AAK1: variants seen among roughly 807,000 people sequenced by gnomAD.
AAK1 encodes AP2-associated protein kinase 1.
AAK1 carries 37 observed loss-of-function variants against 116.0 expected under a neutral mutation model. That is an observed-to-expected ratio of 0.32 (90% CI 0.25 to 0.42). AAK1 has a LOEUF of 0.42. Among genes scored for constraint, AAK1 ranks in the 10% least tolerant of loss-of-function variants. The pLI is 1.00. For synonymous variants in AAK1, 458 were observed against 439.9 expected (o/e 1.04, Z -0.51); for missense variants, 919 against 1,170.6 (o/e 0.79, Z 3.14).
intron 12 of AAK1, among the ~76,000 whole-genome samples, chr2:69,518,329 T>C (rs34420353): frequency 2.6e-5 from 4 of 152,084 alleles, no homozygotes; most frequent in African/African-American, 9.7e-5. Flanking sequence ...GAAACTATTG[T>C]TATTTTTTCC....
chr2:69,619,697 G>C (rs1674502619), intron 2 of AAK1, among the ~76,000 whole-genome samples: 1 of 152,130 alleles, frequency 6.6e-6, no homozygotes, highest in Admixed American at 6.5e-5. Context: ...CTCAGAAAGT[G>C]ACATTTAAGC....
intron 18 of AAK1, 176 bp downstream of exon 18, chr2:69,482,535 G>A (rs1371851692): frequency 2.8e-6 from 2 of 713,482 alleles, no homozygotes; most frequent in East Asian, 2.7e-5. Flanking sequence ...AATAGACGTT[G>A]TACCCCCGAA....
In AAK1 at chr2:69,490,590, C is replaced by T. The variant is rs191446441; in HGVS notation, c.2365+5395G>A. Among the ~76,000 whole-genome samples, 728 of 151,856 alleles carry T rather than the reference C, an allele frequency of 4.8e-3. 16 individuals are homozygous for T. Among genetic ancestry groups the T allele is most frequent in the Admixed American group, 0.012 (187 of 15,244 alleles). On this transcript the variant is annotated intron_variant, in intron 17 of 21. Coordinates refer to ENST00000409085, the MANE Select transcript of AAK1 (RefSeq NM_014911.5). ...GACAAATACTGTATGATTCCACTTA[C>T]ATTCGGTTCCTAGAGTAGTAAAATT...
At chr2:69,538,589 A>G (rs981648599) in intron 5 of AAK1, among the ~76,000 whole-genome samples, 1 of 152,230 alleles carries the variant, frequency 6.6e-6, no homozygotes, top group Non-Finnish European at 1.5e-5. Context: ...TTTAAAAATC[A>G]ATATAAAGAG....
intron 2 of AAK1, among the ~76,000 whole-genome samples, chr2:69,586,723 C>G (rs557031519): frequency 6.6e-6 from 1 of 152,316 alleles, no homozygotes; most frequent in East Asian, 1.9e-4. Flanking sequence ...CACTCCCGGG[C>G]TCACATTCAT....
At chr2:69,477,364 C>G (rs1212710860) in intron 20 of AAK1, among the ~76,000 whole-genome samples, 1 of 152,092 alleles carries the variant, frequency 6.6e-6, no homozygotes, top group Non-Finnish European at 1.5e-5. Flanking sequence ...ATTTGAAAAA[C>G]TCAAAACCGG....
At chr2:69,606,672 T>C (rs1047333179) in intron 2 of AAK1, among the ~76,000 whole-genome samples, 1 of 152,206 alleles carries the variant, frequency 6.6e-6, no homozygotes, top group Non-Finnish European at 1.5e-5. Flanking sequence ...TCTCTAGGTA[T>C]TGGAGATACA....
At chr2:69,567,154 C>T (rs894180965) in intron 2 of AAK1, among the ~76,000 whole-genome samples, 1 of 152,240 alleles carries the variant, frequency 6.6e-6, no homozygotes, top group Non-Finnish European at 1.5e-5. Context: ...GCTTATGCTC[C>T]AATCTGCCTA....
chr2:69,588,939 G>C (rs533780828), intron 2 of AAK1, among the ~76,000 whole-genome samples: 38 of 152,200 alleles, frequency 2.5e-4, no homozygotes, highest in African/African-American at 9.1e-4. Flanking sequence ...ATTTTCAAAA[G>C]AACTTCCGTT....
chr2:69,544,684 G>A (rs1226087469), intron 3 of AAK1, 140 bp from the exon 4 acceptor site: 2 of 648,148 alleles, frequency 3.1e-6, no homozygotes, highest in South Asian at 3.9e-5. Flanking sequence ...GCAAAGTCAA[G>A]AACAGGTTTC....
intron 2 of AAK1, among the ~76,000 whole-genome samples, chr2:69,578,084 C>T (rs571484755): frequency 2.3e-4 from 35 of 152,256 alleles, no homozygotes; most frequent in African/African-American, 7.9e-4. Flanking sequence ...GGCCACCTCA[C>T]CTCTCAGCTT....
intron 6 of AAK1, among the ~76,000 whole-genome samples, chr2:69,531,116 G>C (rs1235306921): frequency 6.6e-6 from 1 of 152,190 alleles, no homozygotes; most frequent in Non-Finnish European, 1.5e-5. Flanking sequence ...CTGCAGAAGA[G>C]CAGAAAGTGG....
intron 2 of AAK1, among the ~76,000 whole-genome samples, chr2:69,622,291 G>A (rs994098780): frequency 6.6e-6 from 1 of 152,340 alleles, no homozygotes; most frequent in African/African-American, 2.4e-5. Flanking sequence ...GGGACCTGCA[G>A]CCCGCCATGC....
At chr2:69,585,096 T>C (rs1467310651) in intron 2 of AAK1, among the ~76,000 whole-genome samples, 1 of 152,168 alleles carries the variant, frequency 6.6e-6, no homozygotes, top group Non-Finnish European at 1.5e-5. Context: ...AAAACTGAGG[T>C]CCAGATAAGT....
At chr2:69,600,290 GTTT>G (rs55852032) in intron 2 of AAK1, among the ~76,000 whole-genome samples, 1 of 133,510 alleles carries the variant, frequency 7.5e-6, no homozygotes. Context: ...ATCTGTCTCA[GTTT>G]TTTTTTTTTT....
chr2:69,549,508 T>C (rs75339840), intron 3 of AAK1, among the ~76,000 whole-genome samples: 5,138 of 152,332 alleles, frequency 0.034, 311 homozygotes, highest in African/African-American at 0.12. Flanking sequence ...CCTACATTTA[T>C]ATGCTTTGCT....
At chr2:69,553,437 GTTTTTTTTTTTTTT>G (rs70954350) in intron 3 of AAK1, among the ~76,000 whole-genome samples, 999 of 79,682 alleles carry the variant, frequency 0.013, 17 homozygotes, top group Admixed American at 0.028. Flanking sequence ...ATTGAAAGTT[GTTTTTTTTTTTTTT>G]TTTTTTTTTT....
Position 69,466,332 on chromosome 2 carries a change from A to G in AAK1, c.*9537T>C, listed in dbSNP as rs779905072. On this transcript the variant is annotated 3_prime_UTR_variant, in exon 22 of 22. Coordinates refer to ENST00000409085, the MANE Select transcript of AAK1 (RefSeq NM_014911.5). ...AGGCCGAGACCCACTGCAGTCCAGC[A>G]TGTCTCCTTCAAGGTCAGTCCCTTC... is the stretch of plus-strand genomic sequence containing the variant. The G allele has an allele frequency of 7.8e-7, 1 of 1,289,832 alleles. No individual in the cohort carries two copies. Among genetic ancestry groups the G allele is most frequent in the South Asian group, 1.2e-5 (1 of 81,032 alleles). The allele number at this position is 1,289,832 out of a possible 1,614,324, so 79.9% of individuals were successfully genotyped here.
At chr2:69,544,311 T>A in intron 4 of AAK1, 125 bp downstream of exon 4, 1 of 686,458 alleles carries the variant, frequency 1.5e-6, no homozygotes, top group Non-Finnish European at 2.5e-6. Flanking sequence ...ATCTTTTAGT[T>A]TTCTCATCTG....
Sources: allele counts gnomAD v4.1 joint callset (sites outside exome capture counted in the v4.1 genomes callset), GRCh38; gene constraint gnomAD v4.1.1; transcripts MANE v1.5; gene names NCBI Gene and HGNC (gene_info 2026-07-23, HGNC 2026-07-21).